NRG3: variants seen among roughly 807,000 people sequenced by gnomAD.
NRG3 encodes the protein pro-neuregulin-3, membrane-bound isoform.
A neutral mutation model predicts 66.9 loss-of-function variants in NRG3; 31 were observed. The ratio of observed to expected loss-of-function variants is 0.46; its 90% CI spans 0.35 to 0.63. NRG3 has a LOEUF of 0.63. Among genes scored for constraint, NRG3 ranks in the 20% least tolerant of loss-of-function variants. NRG3 has a pLI of 0.00. For missense variants in NRG3, 910 were observed against 878.9 expected (o/e 1.04, Z -0.45); for synonymous variants, 393 against 359.4 (o/e 1.09, Z -1.06).
intron 2 of NRG3, among the ~76,000 whole-genome samples, chr10:82,676,999 T>C (rs2134086614): frequency 6.6e-6 from 1 of 152,108 alleles, no homozygotes; most frequent in Non-Finnish European, 1.5e-5. Context: ...TAAATAAAAC[T>C]TTTCCCTTTA....
chr10:82,848,226 T>C (rs2063398234), intron 3 of NRG3, among the ~76,000 whole-genome samples: 1 of 152,158 alleles, frequency 6.6e-6, no homozygotes, highest in African/African-American at 2.4e-5. Context: ...TGGCTTAAAT[T>C]TTGTCTTCTA....
intron 2 of NRG3, among the ~76,000 whole-genome samples, chr10:82,570,926 GA>G: frequency 6.6e-6 from 1 of 151,496 alleles, no homozygotes; most frequent in African/African-American, 2.4e-5. Flanking sequence ...CTCAAACCTG[GA>G]AAATTTCAGA....
chr10:82,913,879 AC>A (rs1408413384), intron 4 of NRG3, among the ~76,000 whole-genome samples: 1 of 151,870 alleles, frequency 6.6e-6, no homozygotes, highest in East Asian at 1.9e-4. Context: ...TTACTTCAAA[AC>A]CTTTTCTATA....
At chr10:82,103,756 C>G (rs1382885874) in intron 1 of NRG3, among the ~76,000 whole-genome samples, 3 of 152,062 alleles carry the variant, frequency 2.0e-5, no homozygotes, top group Non-Finnish European at 4.4e-5. Flanking sequence ...AGTTCTGAGG[C>G]CAGAGAGATG....
intron 1 of NRG3, among the ~76,000 whole-genome samples, chr10:82,341,046 A>G (rs1021708398): frequency 1.3e-5 from 2 of 152,274 alleles, no homozygotes; most frequent in East Asian, 3.9e-4. Context: ...CCCATTTTCC[A>G]TGTTGTGATT....
At chr10:82,619,228 TAA>T (rs1457865890) in intron 2 of NRG3, among the ~76,000 whole-genome samples, 1 of 152,112 alleles carries the variant, frequency 6.6e-6, no homozygotes, top group African/African-American at 2.4e-5. Flanking sequence ...AAATAAAGAA[TAA>T]AAAAGTTTTC....
intron 1 of NRG3, among the ~76,000 whole-genome samples, chr10:82,145,301 A>G (rs1047486594): frequency 6.6e-6 from 1 of 152,206 alleles, no homozygotes; most frequent in Non-Finnish European, 1.5e-5. Flanking sequence ...GTGAAAATTC[A>G]AATAATTACC....
chr10:82,834,315 C>T (rs1341745628), intron 3 of NRG3, among the ~76,000 whole-genome samples: 1 of 152,136 alleles, frequency 6.6e-6, no homozygotes, highest in East Asian at 1.9e-4. Context: ...GCAGGAAGAA[C>T]TGAAATTTCT....
At chr10:82,705,276 T>A (rs2056199855) in intron 2 of NRG3, among the ~76,000 whole-genome samples, 2 of 152,192 alleles carry the variant, frequency 1.3e-5, no homozygotes, top group Admixed American at 6.6e-5. Flanking sequence ...ACAGTCTGAT[T>A]AGAAGGTCTG....
rs189735926 is a variant in NRG3 at position 81,922,256 on chromosome 10, G to T, written c.823+46093G>T. Among the ~76,000 whole-genome samples the T allele has an allele frequency of 1.2e-3, 177 of 152,216 alleles. 1 individual carries two copies. The highest frequency in any genetic ancestry group is 0.01 in the Middle Eastern group (3 of 294). Reference sequence around the variant, plus strand: ...ATCGTTTTTTAACAAATCCTCCTATGATAATGTTTTGTATTATTACATGAC... The same window carrying T: ...ATCGTTTTTTAACAAATCCTCCTATTATAATGTTTTGTATTATTACATGAC... On this transcript the variant is annotated intron_variant, in intron 1 of 8. Coordinates refer to ENST00000372141, the MANE Select transcript of NRG3 (RefSeq NM_001010848.4).
At chr10:82,446,830 A>G (rs886118125) in intron 2 of NRG3, among the ~76,000 whole-genome samples, 2 of 152,164 alleles carry the variant, frequency 1.3e-5, no homozygotes, top group Admixed American at 6.6e-5. Context: ...GCTTCCCGCA[A>G]TGTCCCCTGC....
intron 1 of NRG3, among the ~76,000 whole-genome samples, chr10:81,941,938 A>G (rs1284889195): frequency 6.6e-6 from 1 of 152,148 alleles, no homozygotes; most frequent in Non-Finnish European, 1.5e-5. Flanking sequence ...AAACCATTGG[A>G]CTAAATCATG....
intron 1 of NRG3, among the ~76,000 whole-genome samples, chr10:82,276,724 T>A (rs1259148692): frequency 6.6e-6 from 1 of 152,018 alleles, no homozygotes. Flanking sequence ...AAATGTGTAA[T>A]TCTTCTTATG....
chr10:82,806,787 G>A (rs1292989829), intron 3 of NRG3, among the ~76,000 whole-genome samples: 1 of 152,150 alleles, frequency 6.6e-6, no homozygotes, highest in African/African-American at 2.4e-5. Context: ...ATAGTACTTA[G>A]GTAAGTCTCA....
rs901937023 is a variant in NRG3, at chr10:82,714,735, T to A, written c.954-23842T>A. 3.3e-5 allele frequency among the ~76,000 whole-genome samples: 5 copies of A among 152,212 alleles called. No homozygotes were observed. In the East Asian group the frequency reaches 9.6e-4, roughly 29 times the overall value. On this transcript the variant is annotated intron_variant, in intron 2 of 8. Transcript: ENST00000372141. ...TGGTATATCAGAGGAAATATTTTTT[T>A]AATTAGCAATGTATATAGTTCTCAT...
intron 1 of NRG3, among the ~76,000 whole-genome samples, chr10:82,110,991 AG>A (rs1421039344): frequency 6.6e-6 from 1 of 152,216 alleles, no homozygotes; most frequent in Non-Finnish European, 1.5e-5. Flanking sequence ...AGAGGATTAT[AG>A]GAATTCTCTG....
At chr10:82,478,233 T>TGAAAATTACTTTGAAG (rs1564968722) in intron 2 of NRG3, among the ~76,000 whole-genome samples, 1 of 18,366 alleles carries the variant, frequency 5.4e-5, no homozygotes, top group African/African-American at 1.1e-4. Context: ...GTGTCACTCT[T>TGAAAATTACTTTGAAG]TTTTTTTTTT....
intron 1 of NRG3, among the ~76,000 whole-genome samples, chr10:82,012,916 A>C (rs941077419): frequency 6.6e-6 from 1 of 152,160 alleles, no homozygotes; most frequent in African/African-American, 2.4e-5. Context: ...AGGAAGTTTT[A>C]AACCTTCCCA....
At chr10:82,247,298 C>T (rs2077287238) in intron 1 of NRG3, among the ~76,000 whole-genome samples, 1 of 152,140 alleles carries the variant, frequency 6.6e-6, no homozygotes, top group African/African-American at 2.4e-5. Context: ...GTTCTGGAAG[C>T]TGGGAAATTT....
Sources: gnomAD v4.1 joint callset for allele counts (sites outside exome capture counted in the v4.1 genomes callset) on GRCh38, gnomAD v4.1.1 for gene constraint, MANE v1.5 for transcripts, NCBI Gene and HGNC (gene_info 2026-07-23, HGNC 2026-07-21) for gene names.